AMD1: variants seen among roughly 807,000 people sequenced by gnomAD.
The protein encoded by AMD1 is S-adenosylmethionine decarboxylase proenzyme.
AMD1 carries 11 observed loss-of-function variants against 40.2 expected under a neutral mutation model. That is an observed-to-expected ratio of 0.27 (90% CI 0.17 to 0.45). The LOEUF (loss-of-function observed/expected upper bound fraction) is 0.45, where lower values mean the gene tolerates loss of function less well. AMD1 is among the 20% of genes least tolerant of loss of function. The pLI, the probability that AMD1 is intolerant of heterozygous loss-of-function variation, is 1.00. For missense variants in AMD1, 257 were observed against 410.2 expected, an observed-to-expected ratio of 0.63 and a Z score of 3.23; for synonymous variants, 121 against 130.8, an observed-to-expected ratio of 0.93 and a Z score of 0.51.
At chr6:110,815,661 C>A in the AMD1 span, 1 of 152,992 alleles carries the variant, frequency 6.5e-6, no homozygotes, top group Non-Finnish European at 1.5e-5. Flanking sequence ...GCTCCCGGTT[C>A]CTGTGAAGGT....
chr6:110,864,299 GTAAA>G, the AMD1 span: 2 of 152,406 alleles, frequency 1.3e-5, no homozygotes, highest in African/African-American at 4.8e-5. Flanking sequence ...AAAATTAAGA[GTAAA>G]TAAAGCTTTT....
the AMD1 span, chr6:110,814,787 C>G: frequency 4.4e-6 from 3 of 683,908 alleles, no homozygotes; most frequent in Non-Finnish European, 5.2e-6. Flanking sequence ...ACCGACGCCT[C>G]GGACCGGGCT....
the AMD1 span, among the ~76,000 whole-genome samples, chr6:110,828,692 G>C: frequency 6.6e-6 from 1 of 152,192 alleles, no homozygotes; most frequent in Non-Finnish European, 1.5e-5. Context: ...CAATGTGGAA[G>C]TCAAATTTGA....
At chr6:110,844,198 G>A in the AMD1 span, among the ~76,000 whole-genome samples, 2 of 149,762 alleles carry the variant, frequency 1.3e-5, no homozygotes, top group African/African-American at 4.9e-5. Flanking sequence ...GACCAGTGTA[G>A]CCAACATAGC....
At chr6:110,884,855 G>GT (rs1785599717) in intron 1 of AMD1, among the ~76,000 whole-genome samples, 1 of 152,228 alleles carries the variant, frequency 6.6e-6, no homozygotes, top group South Asian at 2.1e-4. Context: ...AGTGCGTCCA[G>GT]TGGGTAAAAA....
chr6:110,877,523 G>C (rs539351640), intron 1 of AMD1, among the ~76,000 whole-genome samples: 1 of 152,374 alleles, frequency 6.6e-6, no homozygotes, highest in Non-Finnish European at 1.5e-5. Flanking sequence ...AGAATAAAGC[G>C]TGACATGTTT....
chr6:110,841,117 G>A, the AMD1 span, among the ~76,000 whole-genome samples: 2 of 152,256 alleles, frequency 1.3e-5, no homozygotes, highest in Non-Finnish European at 2.9e-5. Flanking sequence ...GGGTTCAAGC[G>A]ATTCTCCTAC....
At chr6:110,814,836 G>A in the AMD1 span, 2 of 836,572 alleles carry the variant, frequency 2.4e-6, no homozygotes, top group South Asian at 1.5e-5. Flanking sequence ...GGGCCGCGCG[G>A]GGGAGGCGGG....
upstream of AMD1, among the ~76,000 whole-genome samples, chr6:110,872,083 C>T (rs563133674): frequency 9.5e-4 from 144 of 152,278 alleles, no homozygotes; most frequent in Admixed American, 4.9e-3. Flanking sequence ...AGACCATTCA[C>T]TGGTCTCAAT....
At chr6:110,863,296 T>C in the AMD1 span, among the ~76,000 whole-genome samples, 2 of 151,382 alleles carry the variant, frequency 1.3e-5, no homozygotes, top group Admixed American at 6.6e-5. Context: ...GATACATGTC[T>C]TTTACTTAGG....
At chr6:110,867,027 A>T in the AMD1 span, among the ~76,000 whole-genome samples, 7 of 151,674 alleles carry the variant, frequency 4.6e-5, no homozygotes, top group African/African-American at 1.7e-4. Context: ...GTTAGCCAGG[A>T]TGGTCTCGAT....
intron 1 of AMD1, 115 bp downstream of exon 1, chr6:110,875,330 G>A (rs1009112816): frequency 2.3e-6 from 2 of 867,090 alleles, no homozygotes; most frequent in Admixed American, 2.3e-5. Flanking sequence ...GCAAGTCTGC[G>A]GCCTGGGGTC....
At chr6:110,820,276 G>C in the AMD1 span, among the ~76,000 whole-genome samples, 1 of 131,094 alleles carries the variant, frequency 7.6e-6, no homozygotes, top group Non-Finnish European at 1.6e-5. Flanking sequence ...TGCTCTTGTT[G>C]CCCAGGCTGG....
the AMD1 span, among the ~76,000 whole-genome samples, chr6:110,856,072 C>T: frequency 2.0e-5 from 3 of 151,834 alleles, no homozygotes; most frequent in African/African-American, 7.3e-5. Flanking sequence ...AGAGCAAGAC[C>T]TTGTCTCAAA....
At chr6:110,849,829 G>A in the AMD1 span, among the ~76,000 whole-genome samples, 1 of 152,102 alleles carries the variant, frequency 6.6e-6, no homozygotes, top group Non-Finnish European at 1.5e-5. Flanking sequence ...AGACCAGCCT[G>A]AGCAACATGG....
chr6:110,893,648 G>A lies in AMD1; in HGVS notation c.*32G>A, dbSNP rs768244769. 1.9e-6 allele frequency: 3 copies of A among 1,604,744 alleles called. No individual in the cohort carries two copies. Among genetic ancestry groups the A allele is most frequent in the Non-Finnish European group, 2.5e-6 (3 of 1,178,866 alleles). ...AAAATGAAGAAAAAACGCAAAAAGA[G>A]AACACATGTAGAAGGTGGTGGATGC... is the stretch of plus-strand genomic sequence containing the variant. On this transcript the variant is annotated 3_prime_UTR_variant, in exon 9 of 9. Coordinates refer to ENST00000368885, the MANE Select transcript of AMD1 (RefSeq NM_001634.6).
At chr6:110,852,541 T>C in the AMD1 span, among the ~76,000 whole-genome samples, 1 of 152,114 alleles carries the variant, frequency 6.6e-6, no homozygotes, top group Non-Finnish European at 1.5e-5. Context: ...CTTAATATTA[T>C]GTAGCTATTC....
At chr6:110,879,144 A>G (rs1785268770) in intron 1 of AMD1, among the ~76,000 whole-genome samples, 1 of 152,180 alleles carries the variant, frequency 6.6e-6, no homozygotes, top group African/African-American at 2.4e-5. Flanking sequence ...TTGAGAGCCC[A>G]GTCTGGGCAA....
At chr6:110,825,288 A>G in the AMD1 span, among the ~76,000 whole-genome samples, 1 of 152,146 alleles carries the variant, frequency 6.6e-6, no homozygotes, top group Non-Finnish European at 1.5e-5. Flanking sequence ...TTAACATCTT[A>G]TTGTTCTGTA....
Sources: allele counts gnomAD v4.1 joint callset (sites outside exome capture counted in the v4.1 genomes callset), GRCh38; gene constraint gnomAD v4.1.1; transcripts MANE v1.5; gene names NCBI Gene and HGNC (gene_info 2026-07-23, HGNC 2026-07-21).